Variants in MAP4K4 observed in about 807,000 individuals in gnomAD.
The protein encoded by MAP4K4 is mitogen-activated protein kinase kinase kinase kinase 4.
Under a neutral mutation model 189.6 loss-of-function variants are expected in MAP4K4, and 38 were observed. The observed-to-expected ratio is 0.20, with a 90% CI of 0.15 to 0.26. MAP4K4 has a LOEUF of 0.26. Among genes scored for constraint, MAP4K4 ranks in the 10% least tolerant of loss-of-function variants. The probability of loss-of-function intolerance (pLI) is 1.00; values close to 1 mark genes in which losing one functional copy is unlikely to be tolerated. For synonymous variants in MAP4K4, 610 were observed against 624.3 expected (o/e 0.98, Z 0.34); for missense variants, 1,054 against 1,726.9 (o/e 0.61, Z 6.91).
At chr2:101,728,847 A>G (rs934043102) in intron 2 of MAP4K4, among the ~76,000 whole-genome samples, 12 of 152,194 alleles carry the variant, frequency 7.9e-5, no homozygotes, top group Non-Finnish European at 1.5e-4. Flanking sequence ...AATGTGCAAC[A>G]TGTTTGGAGA....
chr2:101,828,414 T>G (rs917603090), intron 5 of MAP4K4, among the ~76,000 whole-genome samples: 12 of 152,208 alleles, frequency 7.9e-5, no homozygotes, highest in African/African-American at 2.9e-4. Flanking sequence ...TACCATATAT[T>G]TTTAGTGCTT....
chr2:101,760,530 ATG>A (rs34293909), intron 2 of MAP4K4, among the ~76,000 whole-genome samples: 52,183 of 138,458 alleles, frequency 0.38, 9,983 homozygotes, highest in South Asian at 0.54. Flanking sequence ...ATATGTATAT[ATG>A]TGTGTGTGTG....
At chr2:101,882,765 T>G (rs1169497631) in intron 28 of MAP4K4, 80 bp downstream of exon 28, 6 of 1,372,438 alleles carry the variant, frequency 4.4e-6, no homozygotes, top group South Asian at 1.5e-5. Context: ...TTTCACAGGT[T>G]TTTTGAAGTT....
At chr2:101,698,767 C>T (rs867975912) in intron 2 of MAP4K4, among the ~76,000 whole-genome samples, 66 of 152,310 alleles carry the variant, frequency 4.3e-4, no homozygotes, top group African/African-American at 1.4e-3. Flanking sequence ...ATAAGCTACA[C>T]TCTTAGGCAT....
intron 2 of MAP4K4, among the ~76,000 whole-genome samples, chr2:101,755,184 C>T (rs1193295694): frequency 2.2e-5 from 3 of 137,892 alleles, no homozygotes; most frequent in Admixed American, 7.4e-5. Flanking sequence ...GCCCCCTCCT[C>T]GCTTTTTTTT....
chr2:101,850,139 G>A (rs1226267265), intron 12 of MAP4K4, among the ~76,000 whole-genome samples: 1 of 152,158 alleles, frequency 6.6e-6, no homozygotes, highest in Non-Finnish European at 1.5e-5. Flanking sequence ...AGCATCAGCA[G>A]TTTCTTTTTG....
chr2:101,751,475 A>T (rs1322265030), intron 2 of MAP4K4, among the ~76,000 whole-genome samples: 1 of 152,134 alleles, frequency 6.6e-6, no homozygotes, highest in East Asian at 1.9e-4. Flanking sequence ...GTAAAATGGG[A>T]CTCAGACAAA....
intron 2 of MAP4K4, among the ~76,000 whole-genome samples, chr2:101,760,749 A>G (rs375370065): frequency 7.9e-5 from 12 of 152,264 alleles, no homozygotes; most frequent in East Asian, 3.9e-4. Context: ...CACGCCTGTA[A>G]TCCCACCACT....
intron 2 of MAP4K4, among the ~76,000 whole-genome samples, chr2:101,772,851 ATG>A (rs1289744037): frequency 6.6e-6 from 1 of 152,170 alleles, no homozygotes; most frequent in Non-Finnish European, 1.5e-5. Flanking sequence ...ATGGGTACAG[ATG>A]AGGGGACTGG....
intron 23 of MAP4K4, 185 bp downstream of exon 23, chr2:101,870,600 C>T (rs1186555958): frequency 7.5e-6 from 5 of 670,500 alleles, no homozygotes; most frequent in East Asian, 5.9e-5. Context: ...CAGAAGGTAG[C>T]GAGTAGTCTC....
At chr2:101,817,697 G>GCGCC (rs930181000) in intron 3 of MAP4K4, among the ~76,000 whole-genome samples, 2 of 152,176 alleles carry the variant, frequency 1.3e-5, no homozygotes, top group African/African-American at 4.8e-5. Flanking sequence ...AGAAGAGGGC[G>GCGCC]GGTCCAGGGC....
At chr2:101,731,592 C>G (rs2058523417) in intron 2 of MAP4K4, among the ~76,000 whole-genome samples, 1 of 151,942 alleles carries the variant, frequency 6.6e-6, no homozygotes, top group African/African-American at 2.4e-5. Flanking sequence ...AACCCCATCT[C>G]TAAAAATAAA....
chr2:101,823,864 TG>T (rs2096222104), intron 3 of MAP4K4, 63 bp from the exon 4 acceptor site: 12 of 1,373,520 alleles, frequency 8.7e-6, no homozygotes, highest in Non-Finnish European at 1.1e-5. Flanking sequence ...GTATGTAGTG[TG>T]GGGGAAGTAA....
At chr2:101,836,840 A>G (rs1576507479) in intron 9 of MAP4K4, among the ~76,000 whole-genome samples, 1 of 152,176 alleles carries the variant, frequency 6.6e-6, no homozygotes, top group South Asian at 2.1e-4. Flanking sequence ...AGAGAGGAGG[A>G]TGACTTTCCC....
At chr2:101,754,322 G>A (rs6754713) in intron 2 of MAP4K4, among the ~76,000 whole-genome samples, 4,518 of 146,110 alleles carry the variant, frequency 0.031, 244 homozygotes, top group African/African-American at 0.11. Flanking sequence ...GAGGCTTTGA[G>A]TTGGGAAGCT....
intron 2 of MAP4K4, among the ~76,000 whole-genome samples, chr2:101,704,561 ATATATAT>A (rs1559013707): frequency 1.9e-5 from 1 of 53,852 alleles, no homozygotes; most frequent in Non-Finnish European, 2.9e-5. Flanking sequence ...ATATATATAT[ATATATAT>A]TTTTTTTTTT....
At chr2:101,709,025 C>G (rs1207159508) in intron 2 of MAP4K4, among the ~76,000 whole-genome samples, 1 of 152,188 alleles carries the variant, frequency 6.6e-6, no homozygotes, top group Admixed American at 6.5e-5. Flanking sequence ...AAGTCATCCA[C>G]AGAAGGGAGA....
chr2:101,789,197 G>T (rs951411265), intron 2 of MAP4K4, among the ~76,000 whole-genome samples: 2 of 152,186 alleles, frequency 1.3e-5, no homozygotes, highest in African/African-American at 4.8e-5. Context: ...CCAAGGAGAT[G>T]AACTTTGTAC....
chr2:101,758,967 A>G (rs2074332999), intron 2 of MAP4K4, among the ~76,000 whole-genome samples: 1 of 151,874 alleles, frequency 6.6e-6, no homozygotes. Context: ...CCGCGTCTCT[A>G]CTAAAAATAC....
Sources: allele counts gnomAD v4.1 joint callset (sites outside exome capture counted in the v4.1 genomes callset), GRCh38; gene constraint gnomAD v4.1.1; transcripts MANE v1.5; gene names NCBI Gene and HGNC (gene_info 2026-07-23, HGNC 2026-07-21).